SLIT3: variants seen among roughly 807,000 people sequenced by gnomAD.
The protein encoded by SLIT3 is slit homolog 3 protein.
In SLIT3, 68 loss-of-function variants were observed where a neutral mutation model predicts 184.0. The observed-to-expected ratio is 0.37, with a 90% confidence interval of 0.30 to 0.45. The LOEUF is 0.45. SLIT3 is among the 20% of genes least tolerant of loss of function. The pLI, the probability that SLIT3 is intolerant of heterozygous loss-of-function variation, is 1.00. For synonymous variants in SLIT3, 831 were observed against 828.6 expected (o/e 1.00, Z -0.05); for missense variants, 1,707 against 2,026.0 (o/e 0.84, Z 3.02).
At chr5:168,907,252 G>C (rs554340026) in intron 4 of SLIT3, among the ~76,000 whole-genome samples, 6 of 152,214 alleles carry the variant, frequency 3.9e-5, no homozygotes, top group African/African-American at 1.4e-4. Flanking sequence ...CCCTGTGTCG[G>C]TGCAGAGCCA....
chr5:168,802,800 A>G (rs942366631), intron 9 of SLIT3, among the ~76,000 whole-genome samples: 11 of 152,232 alleles, frequency 7.2e-5, no homozygotes, highest in African/African-American at 2.4e-4. Context: ...CATTGTTAAT[A>G]TAGTATATCC....
At chr5:168,698,616 C>G (rs1762127448) in intron 27 of SLIT3, among the ~76,000 whole-genome samples, 1 of 152,122 alleles carries the variant, frequency 6.6e-6, no homozygotes, top group Non-Finnish European at 1.5e-5. Flanking sequence ...TACAGCCACC[C>G]AGTCTGTGGT....
intron 32 of SLIT3, among the ~76,000 whole-genome samples, chr5:168,677,875 G>C (rs1488493540): frequency 6.6e-6 from 1 of 152,166 alleles, no homozygotes; most frequent in Non-Finnish European, 1.5e-5. Context: ...CAACTGGGGT[G>C]GGGGAGTAGG....
chr5:169,142,314 C>G (rs928046433), intron 4 of SLIT3, among the ~76,000 whole-genome samples: 2 of 152,116 alleles, frequency 1.3e-5, no homozygotes, highest in African/African-American at 4.8e-5. Flanking sequence ...GTGCACTAGT[C>G]ACTCAAGGGT....
At chr5:169,032,853 T>C (rs564107074) in intron 4 of SLIT3, among the ~76,000 whole-genome samples, 32 of 150,668 alleles carry the variant, frequency 2.1e-4, no homozygotes, top group Non-Finnish European at 4.6e-4. Context: ...TACAAACACA[T>C]AGTAAAAAAG....
At chr5:169,299,122 TC>T (rs763650080) in intron 1 of SLIT3, among the ~76,000 whole-genome samples, 2 of 152,186 alleles carry the variant, frequency 1.3e-5, no homozygotes, top group Non-Finnish European at 2.9e-5. Flanking sequence ...ATTTTACACT[TC>T]CAAGCCTGGT....
chr5:169,110,690 T>A (rs1338183694), intron 4 of SLIT3, among the ~76,000 whole-genome samples: 2 of 152,194 alleles, frequency 1.3e-5, no homozygotes, highest in Admixed American at 1.3e-4. Context: ...AGGACTTCAG[T>A]GTCTTTTTAG....
chr5:169,107,561 C>G (rs1318483419), intron 4 of SLIT3, among the ~76,000 whole-genome samples: 1 of 152,188 alleles, frequency 6.6e-6, no homozygotes, highest in African/African-American at 2.4e-5. Flanking sequence ...GGTGACAGCC[C>G]CAGGGAGGAG....
At chr5:168,676,680 A>T (rs1761421483) in intron 32 of SLIT3, among the ~76,000 whole-genome samples, 1 of 152,070 alleles carries the variant, frequency 6.6e-6, no homozygotes, top group African/African-American at 2.4e-5. Context: ...CTAGAAATGG[A>T]TGCTGTTTGG....
At position 168,721,903 on chromosome 5, in the gene SLIT3, C is replaced by T. The variant is rs1405523093; in HGVS notation, c.2483+353G>A. Among the ~76,000 whole-genome samples, 8 of 152,216 alleles carry T rather than the reference C, an allele frequency of 5.3e-5. No homozygotes were observed. In the South Asian group the frequency reaches 6.2e-4, roughly 12 times the overall value. ...ACTGTCAACAGAATGATCATCGAAA[C>T]GTGGCTATGACCACACACTATGCTC... is the stretch of plus-strand genomic sequence containing the variant. On this transcript the variant is annotated intron_variant, in intron 23 of 35. Transcript: ENST00000519560.
chr5:168,939,428 A>G (rs149824081), intron 4 of SLIT3, among the ~76,000 whole-genome samples: 5 of 152,312 alleles, frequency 3.3e-5, no homozygotes, highest in Admixed American at 2.0e-4. Context: ...GAAGTTTGGA[A>G]TTTTTGCTAA....
At chr5:169,165,365 T>A (rs961476518) in intron 4 of SLIT3, among the ~76,000 whole-genome samples, 1 of 152,228 alleles carries the variant, frequency 6.6e-6, no homozygotes, top group African/African-American at 2.4e-5. Flanking sequence ...TCTGTATCCT[T>A]CCTTTCTGCG....
chr5:168,909,886 T>C (rs1304643459), intron 4 of SLIT3, among the ~76,000 whole-genome samples: 2 of 152,224 alleles, frequency 1.3e-5, no homozygotes, highest in Admixed American at 1.3e-4. Context: ...CAGGTTCAAG[T>C]CTGAGCCACA....
intron 4 of SLIT3, among the ~76,000 whole-genome samples, chr5:168,923,634 G>C (rs144023423): frequency 1.3e-5 from 2 of 151,178 alleles, no homozygotes; most frequent in East Asian, 2.0e-4. Context: ...CTCCTGCCTC[G>C]GCCTCTCAGT....
intron 4 of SLIT3, among the ~76,000 whole-genome samples, chr5:169,188,532 G>C (rs1034447098): frequency 3.3e-5 from 5 of 152,276 alleles, no homozygotes; most frequent in African/African-American, 9.6e-5. Context: ...AGAAGAGCCA[G>C]CATGACGACT....
chr5:168,943,361 T>C (rs564922043), intron 4 of SLIT3, among the ~76,000 whole-genome samples: 2 of 152,184 alleles, frequency 1.3e-5, no homozygotes, highest in Non-Finnish European at 2.9e-5. Context: ...ACAATTCTCA[T>C]AGGGAATAGA....
At chr5:169,275,582 G>T (rs569068401) in intron 1 of SLIT3, among the ~76,000 whole-genome samples, 1 of 152,272 alleles carries the variant, frequency 6.6e-6, no homozygotes, top group South Asian at 2.1e-4. Flanking sequence ...CACGGTAGGG[G>T]CAGTCTCATA....
intron 20 of SLIT3, among the ~76,000 whole-genome samples, chr5:168,746,729 TGTGGTGGTGTGCG>T (rs1321235967): frequency 5.2e-5 from 4 of 77,136 alleles, no homozygotes; most frequent in African/African-American, 5.4e-5. Context: ...TGTGGCGGTG[TGTGGTGGTGTGCG>T]GTGGTGTGGG....
chr5:168,891,107 C>T (rs1245800905), intron 4 of SLIT3, among the ~76,000 whole-genome samples: 1 of 152,146 alleles, frequency 6.6e-6, no homozygotes, highest in Non-Finnish European at 1.5e-5. Context: ...ATGCAAATTC[C>T]TATCTTCATG....
Sources: allele counts gnomAD v4.1 joint callset (sites outside exome capture counted in the v4.1 genomes callset), GRCh38; gene constraint gnomAD v4.1.1; transcripts MANE v1.5; gene names NCBI Gene and HGNC (gene_info 2026-07-23, HGNC 2026-07-21).